Variants in HERC4 observed in about 807,000 individuals in gnomAD.
The protein encoded by HERC4 is probable E3 ubiquitin-protein ligase HERC4.
HERC4 carries 28 observed loss-of-function variants against 124.3 expected under a neutral mutation model. The ratio of observed to expected loss-of-function variants is 0.23; its 90% CI spans 0.17 to 0.31. The LOEUF (loss-of-function observed/expected upper bound fraction) is 0.31, where lower values mean the gene tolerates loss of function less well. Ranked by LOEUF, HERC4 falls within the 10% of genes least tolerant of loss-of-function variation. The probability of loss-of-function intolerance (pLI) is 1.00; values close to 1 mark genes in which losing one functional copy is unlikely to be tolerated. For missense variants in HERC4, 713 were observed against 1,229.3 expected, an observed-to-expected ratio of 0.58 and a Z score of 6.28; for synonymous variants, 407 against 421.5, an observed-to-expected ratio of 0.97 and a Z score of 0.42.
intron 9 of HERC4, 152 bp from the exon 10 acceptor site, chr10:67,992,834 T>G (rs1202094977): frequency 8.8e-6 from 5 of 565,676 alleles, no homozygotes; most frequent in Non-Finnish European, 1.6e-5. Context: ...ATATTCTGAC[T>G]GCTATGGGGA....
intron 8 of HERC4, among the ~76,000 whole-genome samples, chr10:68,023,991 C>T (rs2133254279): frequency 6.6e-6 from 1 of 152,138 alleles, no homozygotes; most frequent in Non-Finnish European, 1.5e-5. Flanking sequence ...AACTTCTGTT[C>T]ATTGAAAGAC....
intron 4 of HERC4, among the ~76,000 whole-genome samples, chr10:68,041,910 T>C (rs1369531719): frequency 6.6e-6 from 1 of 152,356 alleles, no homozygotes; most frequent in East Asian, 1.9e-4. Context: ...TTATATCCTA[T>C]TGTTAATTTC....
At chr10:68,031,573 C>T (rs1417791524) in intron 7 of HERC4, among the ~76,000 whole-genome samples, 3 of 151,986 alleles carry the variant, frequency 2.0e-5, no homozygotes, top group African/African-American at 7.2e-5. Context: ...GTATAATAAT[C>T]CTTCCTTACT....
At chr10:67,941,381 T>C (rs908691989) in intron 19 of HERC4, among the ~76,000 whole-genome samples, 1 of 152,148 alleles carries the variant, frequency 6.6e-6, no homozygotes, top group Non-Finnish European at 1.5e-5. Flanking sequence ...GACATAAGCA[T>C]ATTCATGTCA....
chr10:68,057,891 G>C (rs902024402), intron 3 of HERC4, among the ~76,000 whole-genome samples: 1 of 151,884 alleles, frequency 6.6e-6, no homozygotes, highest in African/African-American at 2.4e-5. Context: ...AGTAGAAATG[G>C]GATTTCACCA....
chr10:67,991,857 CT>C (rs1287057322), intron 11 of HERC4, among the ~76,000 whole-genome samples: 1 of 152,096 alleles, frequency 6.6e-6, no homozygotes, highest in African/African-American at 2.4e-5. Flanking sequence ...CATGAAAGAA[CT>C]ACAACTTATA....
chr10:67,950,209 G>A (rs1374854327), intron 19 of HERC4, among the ~76,000 whole-genome samples: 1 of 152,050 alleles, frequency 6.6e-6, no homozygotes, highest in Non-Finnish European at 1.5e-5. Context: ...CTCTGAGAGG[G>A]TGGTCCAGTA....
intron 4 of HERC4, chr10:68,039,697 A>C (rs759173097): frequency 6.1e-5 from 83 of 1,365,214 alleles, no homozygotes; most frequent in Non-Finnish European, 7.3e-5. Context: ...TCTTTGAAAT[A>C]GCAAAATCAA....
At chr10:67,937,840 C>T (rs1252642042) in intron 21 of HERC4, among the ~76,000 whole-genome samples, 1 of 151,792 alleles carries the variant, frequency 6.6e-6, no homozygotes, top group East Asian at 2.0e-4. Context: ...TGCCACCATG[C>T]CTGGCTCATT....
intron 3 of HERC4, among the ~76,000 whole-genome samples, chr10:68,059,337 A>C (rs1166825837): frequency 1.3e-5 from 2 of 149,502 alleles, no homozygotes; most frequent in African/African-American, 4.9e-5. Flanking sequence ...TCATTTGCTC[A>C]AGTTTTTTGT....
chr10:68,036,126 AAC>A (rs1277954323), intron 5 of HERC4, among the ~76,000 whole-genome samples: 2 of 151,926 alleles, frequency 1.3e-5, no homozygotes, highest in African/African-American at 4.8e-5. Context: ...CATCCTGGCT[AAC>A]ACAGTGAAAC....
chr10:67,934,138 C>T (rs2032108237), intron 22 of HERC4, among the ~76,000 whole-genome samples: 1 of 152,142 alleles, frequency 6.6e-6, no homozygotes, highest in African/African-American at 2.4e-5. Context: ...TTTCAATTTG[C>T]TTTGGATTAA....
Position 68,010,591 on chromosome 10 carries a change from A to C in HERC4, c.1069+3435T>G, listed in dbSNP as rs1000700671. On this transcript the variant is annotated intron_variant, in intron 9 of 24. Transcript: ENST00000373700. The stretch of plus-strand genomic sequence containing the variant: ...TCAATACTGGTTCGCTTTCTCTTTC[A>C]GGCCTGCACGAGGGTTTCGGCTTTG... 99 of 1,227,502 alleles carry C rather than the reference A, an allele frequency of 8.1e-5. No individual in the cohort carries two copies. In the South Asian group the frequency reaches 9.5e-4, roughly 12 times the overall value. 76.0% of individuals were successfully genotyped at this position (1,227,502 alleles called of 1,614,324 possible). A position where few individuals can be genotyped will look rare whatever the true frequency, so the allele number is the denominator to read the frequency against.
At chr10:67,966,904 G>A in intron 15 of HERC4, 102 bp from the exon 16 acceptor site, 3 of 793,186 alleles carry the variant, frequency 3.8e-6, no homozygotes, top group Non-Finnish European at 5.4e-6. Flanking sequence ...AACCAGGCTG[G>A]AGTGCAGTGG....
intron 19 of HERC4, among the ~76,000 whole-genome samples, chr10:67,947,293 T>C (rs1411365086): frequency 6.6e-6 from 1 of 152,224 alleles, no homozygotes; most frequent in African/African-American, 2.4e-5. Flanking sequence ...TTATTCCATG[T>C]AAATAGTAAC....
rs1442206352 is a variant in HERC4 at position 67,954,616 on chromosome 10, C to T, written c.2316G>A (p.Arg772=). The T allele has an allele frequency of 4.3e-6, 7 of 1,612,140 alleles. No individual in the cohort carries two copies. Among genetic ancestry groups the T allele is most frequent in the African/African-American group, 1.3e-5 (1 of 74,820 alleles). Residue 772 remains arginine, a synonymous_variant, in exon 19 of 25, where the codon AGG becomes AGA. Coordinates refer to ENST00000373700, the MANE Select transcript of HERC4 (RefSeq NM_015601.4). ...YGMFRYYEDS[R]LIWFSDKTFE... ...TTACCTTATCAGAAAACCAAATGAG[C>T]CTGGAATCTTCATAATACCTAAACA...
In HERC4 at chr10:68,025,405, T is replaced by C. The variant is rs1040324347; in HGVS notation, c.908+141A>G. Reference sequence around the variant, plus strand: ...GTAAAAAAGATGTTTCTCCTGTTACTATGACTCCTCAGTGGCAAAATAGGT... The same window carrying C: ...GTAAAAAAGATGTTTCTCCTGTTACCATGACTCCTCAGTGGCAAAATAGGT... On this transcript the variant is annotated intron_variant, in intron 8 of 24. Coordinates refer to ENST00000373700, the MANE Select transcript of HERC4 (RefSeq NM_015601.4). The C allele has an allele frequency of 1.9e-5, 15 of 806,542 alleles. No homozygotes were observed. The African/African-American group carries it at 2.4e-4, about 13-fold the overall frequency. 50.0% of individuals were successfully genotyped at this position (806,542 alleles called of 1,614,324 possible). A position where few individuals can be genotyped will look rare whatever the true frequency, so the allele number is the denominator to read the frequency against.
At chr10:67,946,348 AACACACAC>A (rs58692888) in intron 19 of HERC4, among the ~76,000 whole-genome samples, 1,791 of 128,502 alleles carry the variant, frequency 0.014, 26 homozygotes, top group South Asian at 0.065. Flanking sequence ...ATAAAACACA[AACACACAC>A]ACACACACAC....
intron 15 of HERC4, among the ~76,000 whole-genome samples, chr10:67,984,408 G>GC (rs1049816902): frequency 2.0e-5 from 3 of 151,778 alleles, no homozygotes; most frequent in African/African-American, 7.3e-5. Context: ...GACAAATATC[G>GC]CATGTTCTCA....
Sources: allele counts gnomAD v4.1 joint callset (sites outside exome capture counted in the v4.1 genomes callset), GRCh38; gene constraint gnomAD v4.1.1; transcripts MANE v1.5; gene names NCBI Gene and HGNC (gene_info 2026-07-23, HGNC 2026-07-21).